Variants in NSD1 observed in about 807,000 individuals in gnomAD.
The protein encoded by NSD1 is nuclear receptor binding SET domain protein 1, also known as histone-lysine N-methyltransferase, H3 lysine-36 specific.
NSD1 carries 26 observed loss-of-function variants against 242.7 expected under a neutral mutation model. That is an observed-to-expected ratio of 0.11 (90% CI 0.08 to 0.15). The LOEUF (loss-of-function observed/expected upper bound fraction) is 0.15. Ranked by LOEUF, NSD1 falls within the 10% of genes least tolerant of loss-of-function variation. NSD1 has a pLI of 1.00. For missense variants in NSD1, 2,495 were observed against 3,272.8 expected, an observed-to-expected ratio of 0.76 and a Z score of 5.80; for synonymous variants, 1,106 against 1,178.1, an observed-to-expected ratio of 0.94 and a Z score of 1.25.
intron 17 of NSD1, among the ~76,000 whole-genome samples, chr5:177,274,715 G>A (rs1489758165): frequency 6.6e-6 from 1 of 151,752 alleles, no homozygotes; most frequent in East Asian, 1.9e-4. Context: ...GTGTGTGTGT[G>A]TGTGTGTGTG....
rs192198315 is a variant in NSD1 at position 177,164,680 on chromosome 5, G to A, written c.928-27204G>A. Among the ~76,000 whole-genome samples the A allele has an allele frequency of 9.9e-5, 15 of 152,090 alleles. No homozygotes were observed. In the East Asian group the frequency reaches 2.3e-3, roughly 24 times the overall value. ...AAAACGGCCAGGCACGGTGGCTCAC[G>A]CCCATAATTCCAGCACTTTGGGAGG... On this transcript the variant is annotated intron_variant, in intron 2 of 22. Transcript: ENST00000439151.
chr5:177,284,364 T>C (rs2127263823), intron 20 of NSD1, among the ~76,000 whole-genome samples: 1 of 152,302 alleles, frequency 6.6e-6, no homozygotes, highest in Non-Finnish European at 1.5e-5. Context: ...CACTGCAGCC[T>C]CAAACTGGGC....
intron 3 of NSD1, among the ~76,000 whole-genome samples, chr5:177,199,861 C>G (rs530322332): frequency 1.8e-4 from 28 of 152,158 alleles, no homozygotes; most frequent in African/African-American, 6.5e-4. Flanking sequence ...TCCCAAAGTG[C>G]TGGGATTACA....
chr5:177,213,678 G>A (rs10075761), intron 5 of NSD1, among the ~76,000 whole-genome samples: 2,569 of 152,130 alleles, frequency 0.017, 81 homozygotes, highest in African/African-American at 0.059. Context: ...CACTGTGTTA[G>A]CCAGGATGGT....
In NSD1 at chr5:177,135,430, G is replaced by A. The variant is rs1434206608; in HGVS notation, c.327G>A (p.Thr109=). 3 of 1,614,016 alleles carry A rather than the reference G, an allele frequency of 1.9e-6. No homozygotes were observed. Among genetic ancestry groups the A allele is most frequent in the Admixed American group, 1.7e-5 (1 of 59,976 alleles). ...DPEKSDSRAQ[T]PIVCTSLSPG... ...AAAAAAGTGATTCAAGAGCTCAGACGCCAATTGTTTGCACTTCCTTGAGTC... is the reference window on the plus strand; with the variant it reads ...AAAAAAGTGATTCAAGAGCTCAGACACCAATTGTTTGCACTTCCTTGAGTC... Residue 109 remains threonine, a synonymous_variant, in exon 2 of 23, where the codon ACG becomes ACA. Coordinates refer to ENST00000439151, the MANE Select transcript of NSD1 (RefSeq NM_022455.5).
chr5:177,223,488 A>G (rs6872952), intron 5 of NSD1, among the ~76,000 whole-genome samples: 125,794 of 151,736 alleles, frequency 0.83, 52,802 homozygotes, highest in East Asian at 1. Context: ...CAGGAGAATC[A>G]CTTGAACCCA....
At chr5:177,159,005 TATATATATATATATATATATGAATG>T (rs1289063792) in intron 2 of NSD1, among the ~76,000 whole-genome samples, 7 of 89,018 alleles carry the variant, frequency 7.9e-5, no homozygotes, top group East Asian at 8.4e-4. Flanking sequence ...ATTTTATATA[TATATATATATATATATATATGAATG>T]ATATATATAT....
chr5:177,224,723 G>A (rs1325140167), intron 5 of NSD1, among the ~76,000 whole-genome samples: 3 of 150,282 alleles, frequency 2.0e-5, no homozygotes, highest in Non-Finnish European at 4.4e-5. Flanking sequence ...AGTGTGATGC[G>A]GAATACTAGT....
At chr5:177,155,017 G>A (rs1038774526) in intron 2 of NSD1, among the ~76,000 whole-genome samples, 4 of 145,842 alleles carry the variant, frequency 2.7e-5, no homozygotes, top group African/African-American at 1.0e-4. Flanking sequence ...TTGAGTCAGA[G>A]TCTTGTTCTG....
intron 19 of NSD1, 110 bp downstream of exon 19, chr5:177,282,691 C>CA: frequency 1.1e-6 from 1 of 872,222 alleles, no homozygotes; most frequent in Non-Finnish European, 2.0e-6. Context: ...GGTCTTTTCC[C>CA]ATACCCATTG....
intron 2 of NSD1, among the ~76,000 whole-genome samples, chr5:177,143,563 G>A (rs1267637094): frequency 6.6e-6 from 1 of 151,794 alleles, no homozygotes; most frequent in East Asian, 1.9e-4. Context: ...CTTATGGTCC[G>A]CCTGCCTCAG....
chr5:177,185,935 AAT>A (rs1246002262), intron 2 of NSD1, among the ~76,000 whole-genome samples: 1 of 90,570 alleles, frequency 1.1e-5, no homozygotes, highest in Non-Finnish European at 1.9e-5. Context: ...TATATAAATA[AAT>A]ATATATAATA....
chr5:177,265,556 G>T, intron 14 of NSD1: 2 of 988,666 alleles, frequency 2.0e-6, no homozygotes, highest in Non-Finnish European at 1.6e-6. Context: ...CGTGCAGGGC[G>T]GGAGAGCCGG....
At chr5:177,167,566 A>T (rs1398897326) in intron 2 of NSD1, among the ~76,000 whole-genome samples, 1 of 151,976 alleles carries the variant, frequency 6.6e-6, no homozygotes. Flanking sequence ...GTGAGGCTTT[A>T]TTTCTGAAGT....
chr5:177,153,003 CT>C (rs1281946933), intron 2 of NSD1, among the ~76,000 whole-genome samples: 1 of 151,912 alleles, frequency 6.6e-6, no homozygotes, highest in East Asian at 1.9e-4. Flanking sequence ...TATATTTATT[CT>C]TTTTTCCTTT....
At chr5:177,256,813 C>G (rs1756507417) in intron 12 of NSD1, 138 bp from the exon 13 acceptor site, 1 of 711,126 alleles carries the variant, frequency 1.4e-6, no homozygotes, top group Admixed American at 2.1e-5. Context: ...TATAATAATA[C>G]TAAGATTGTT....
intron 3 of NSD1, among the ~76,000 whole-genome samples, chr5:177,194,316 A>G (rs1057087905): frequency 6.6e-6 from 1 of 151,716 alleles, no homozygotes; most frequent in Non-Finnish European, 1.5e-5. Context: ...CTGGAGTGTA[A>G]TGGCATAACA....
intron 2 of NSD1, among the ~76,000 whole-genome samples, chr5:177,171,307 A>G (rs80079680): frequency 7.0e-6 from 1 of 143,590 alleles, no homozygotes; most frequent in Non-Finnish European, 1.5e-5. Flanking sequence ...CTCCGTCTCC[A>G]AAAAAAAAAA....
At chr5:177,276,804 A>G (rs1205116024) in intron 17 of NSD1, among the ~76,000 whole-genome samples, 1 of 152,172 alleles carries the variant, frequency 6.6e-6, no homozygotes, top group African/African-American at 2.4e-5. Flanking sequence ...TAAAATATCC[A>G]TACCAAGATT....
Sources: gnomAD v4.1 joint callset for allele counts (sites outside exome capture counted in the v4.1 genomes callset) on GRCh38, gnomAD v4.1.1 for gene constraint, MANE v1.5 for transcripts, NCBI Gene and HGNC (gene_info 2026-07-23, HGNC 2026-07-21) for gene names.